Variants in KYAT1 observed in about 807,000 individuals in gnomAD.
KYAT1 encodes kynurenine--oxoglutarate transaminase 1.
A neutral mutation model predicts 52.4 loss-of-function variants in KYAT1; 47 were observed. The observed-to-expected ratio is 0.90, with a 90% CI of 0.71 to 1.14. The LOEUF is 1.14. Among genes scored for constraint, KYAT1 ranks in the 50% most tolerant of loss-of-function variants. KYAT1 has a pLI of 0.00. For synonymous variants in KYAT1, 212 were observed against 209.6 expected (o/e 1.01, Z -0.10); for missense variants, 480 against 557.9 (o/e 0.86, Z 1.41).
intron 1 of KYAT1, chr9:128,847,458 G>A: frequency 6.5e-7 from 1 of 1,535,826 alleles, no homozygotes. Flanking sequence ...CCAAGTGAGT[G>A]GGGCTCCAGC....
At chr9:128,878,090 T>C (rs1281274674) in intron 1 of KYAT1, among the ~76,000 whole-genome samples, 3 of 152,036 alleles carry the variant, frequency 2.0e-5, no homozygotes, top group Non-Finnish European at 4.4e-5. Flanking sequence ...ACAGAGAATA[T>C]ACTGTGGGTC....
intron 3 of KYAT1, among the ~76,000 whole-genome samples, chr9:128,840,837 C>T: frequency 6.6e-6 from 1 of 152,170 alleles, no homozygotes; most frequent in Non-Finnish European, 1.5e-5. Flanking sequence ...ATTATAGGCA[C>T]ACACTGTTTC....
intron 1 of KYAT1, among the ~76,000 whole-genome samples, chr9:128,853,481 T>A (rs1256973640): frequency 2.0e-5 from 3 of 152,208 alleles, no homozygotes; most frequent in Non-Finnish European, 4.4e-5. Flanking sequence ...TTAACATTGT[T>A]TCAGATTCTG....
At chr9:128,859,187 C>G (rs1835104466) in intron 1 of KYAT1, among the ~76,000 whole-genome samples, 2 of 151,746 alleles carry the variant, frequency 1.3e-5, no homozygotes, top group South Asian at 4.2e-4. Context: ...ACGGCGAAAC[C>G]CTGTCTCTAC....
intron 6 of KYAT1, 98 bp from the exon 7 acceptor site, chr9:128,837,020 G>A (rs2118968507): frequency 2.0e-6 from 3 of 1,481,388 alleles, no homozygotes; most frequent in Non-Finnish European, 1.8e-6. Context: ...GCGGCCAGGT[G>A]CGGTGGCTCA....
intron 1 of KYAT1, among the ~76,000 whole-genome samples, chr9:128,862,985 C>T (rs1038347666): frequency 1.2e-4 from 18 of 152,014 alleles, no homozygotes; most frequent in East Asian, 1.9e-4. Flanking sequence ...CTACCATGCC[C>T]GGCTAATTTT....
chr9:128,870,036 C>T (rs60239222), intron 1 of KYAT1, among the ~76,000 whole-genome samples: 8,396 of 152,032 alleles, frequency 0.055, 275 homozygotes, highest in African/African-American at 0.095. Context: ...TTACCCGGGC[C>T]CGGCAGATAA....
Position 128,848,820 on chromosome 9 carries a change from C to CAA in KYAT1, c.-6-3411_-6-3410dup, listed in dbSNP as rs746737161. ...TGGGTGACAGAGTGAGACTCTGTCT[C>CAA]AAAAAAAAAAAAAAAAAAAAAATTG... On this transcript the variant is annotated intron_variant, in intron 1 of 12. Transcript: ENST00000302586. Among the ~76,000 whole-genome samples the CAA allele has an allele frequency of 7.0e-3, 399 of 56,842 alleles. 5 individuals carry two copies. The highest frequency in any genetic ancestry group is 0.045 in the East Asian group (86 of 1,920). The allele number at this position is 56,842 out of a possible 152,430, so 37.3% of individuals were successfully genotyped here.
At position 128,835,625 on chromosome 9, in the gene KYAT1, G is replaced by A. The variant is rs375618315; in HGVS notation, c.898C>T (p.Arg300Cys). ...ESFEREQLLF[R>C]QPSSYFVQFP... ...TGCACAAAGTAGCTGCTGGGTTGGC[G>A]GAAGAGCAGCTGCTCCCGTTCAAAG... is the stretch of plus-strand genomic sequence containing the variant. The change falls in exon 10 of 13, where the codon CGC (arginine) becomes TGC (cysteine). Residue 300 changes from arginine to cysteine, a missense_variant. Physicochemically the swap from Arg to Cys is radical, Grantham distance 180. Transcript: ENST00000302586. The A allele has an allele frequency of 1.2e-4, 201 of 1,611,904 alleles. No homozygotes were observed. In the African/African-American group the frequency reaches 2.2e-3, roughly 18 times the overall value.
chr9:128,861,903 G>T (rs1185368956), intron 1 of KYAT1, among the ~76,000 whole-genome samples: 2 of 152,104 alleles, frequency 1.3e-5, no homozygotes, highest in African/African-American at 2.4e-5. Flanking sequence ...TGGGCCAAAG[G>T]GTCTCTTTAG....
At chr9:128,840,533 G>A in intron 3 of KYAT1, 2 of 392,002 alleles carry the variant, frequency 5.1e-6, no homozygotes, top group African/African-American at 2.1e-5. Flanking sequence ...TTATAGGCGT[G>A]AGCCACCATA....
At chr9:128,865,352 T>TACATACATATATATATATATACATAC (rs1836194144) in intron 1 of KYAT1, among the ~76,000 whole-genome samples, 1 of 4,066 alleles carries the variant, frequency 2.5e-4, no homozygotes, top group African/African-American at 5.3e-4. Context: ...TATATATATA[T>TACATACATATATATATATATACATAC]ATATATATTT....
Position 128,836,805 on chromosome 9 carries a change from T to C in KYAT1, c.685A>G (p.Ile229Val). 1 of 1,613,366 alleles carries C rather than the reference T, an allele frequency of 6.2e-7. No homozygotes were observed. The highest frequency in any genetic ancestry group is 8.5e-7 in the Non-Finnish European group (1 of 1,179,764). The change falls in exon 7 of 13, where the codon ATT becomes GTT. Residue 229 changes from isoleucine (I) to valine (V), a missense_variant. Coordinates refer to ENST00000302586, the MANE Select transcript of KYAT1 (RefSeq NM_004059.5). ...MVYDGHQHIS[I>V]ASLPGMWERT... ...GCCCCAGGCTGGCTTGGCTCACCAA[T>C]GCTGATGTGCTGGTGCCCGTCGTAG...
rs1006618861 is a variant in KYAT1 at position 128,862,789 on chromosome 9, C to T, written c.-6-17378G>A. ...GCAGTGCATCGGGCCTATGTGTGGC[C>T]GGGTAAGACTGGGCATAGGAGTCAA... On this transcript the variant is annotated intron_variant, in intron 1 of 12. Coordinates refer to ENST00000302586, the MANE Select transcript of KYAT1 (RefSeq NM_004059.5). 1.1e-4 allele frequency among the ~76,000 whole-genome samples: 17 copies of T among 152,194 alleles called. No homozygotes were observed. In the East Asian group the frequency reaches 1.2e-3, roughly 10 times the overall value.
rs1375034522 is a variant in KYAT1 at position 128,833,193 on chromosome 9, A to G, written c.*391T>C. 13 of 262,538 alleles carry G rather than the reference A, an allele frequency of 5.0e-5. No homozygotes were observed. The highest frequency in any genetic ancestry group is 8.7e-5 in the Non-Finnish European group (12 of 137,602). The allele number at this position is 262,538 out of a possible 1,614,324, so 16.3% of individuals were successfully genotyped here. ...ACTCAAGCCTAAAGGCAACTCCCCA[A>G]GGCCAAGATGAGCCAGGGAAGGTGA... On this transcript the variant is annotated 3_prime_UTR_variant, in exon 13 of 13. Coordinates refer to ENST00000302586, the MANE Select transcript of KYAT1 (RefSeq NM_004059.5).
At chr9:128,865,966 G>A (rs960414989) in intron 1 of KYAT1, among the ~76,000 whole-genome samples, 4 of 152,154 alleles carry the variant, frequency 2.6e-5, no homozygotes, top group Non-Finnish European at 5.9e-5. Context: ...TCTATCGCTT[G>A]CACCAGACTG....
rs146712712 is a variant in KYAT1 at position 128,880,406 on chromosome 9, C to T, written c.-7+1491G>A. 3.9e-5 allele frequency among the ~76,000 whole-genome samples: 6 copies of T among 152,012 alleles called. No homozygotes were observed. In the East Asian group the frequency reaches 9.6e-4, roughly 24 times the overall value. Reference sequence around the variant, plus strand: ...GATCATGGGCATTAGTGTAAATCTCCCAGGGTTCAAATTCCAGCTTCTCCA... The same window carrying T: ...GATCATGGGCATTAGTGTAAATCTCTCAGGGTTCAAATTCCAGCTTCTCCA... On this transcript the variant is annotated intron_variant, in intron 1 of 12. Coordinates refer to ENST00000302586, the MANE Select transcript of KYAT1 (RefSeq NM_004059.5).
chr9:128,882,192 G>A (rs1200185131), upstream of KYAT1: 1 of 153,048 alleles, frequency 6.5e-6, no homozygotes, highest in East Asian at 1.9e-4. Flanking sequence ...GGCCGGCGGC[G>A]GGACGGAGCG....
At chr9:128,836,262 T>C (rs1248422543) in intron 7 of KYAT1, among the ~76,000 whole-genome samples, 189 bp from the exon 8 acceptor site, 1 of 150,592 alleles carries the variant, frequency 6.6e-6, no homozygotes, top group Non-Finnish European at 1.5e-5. Context: ...TCTCTCTCTC[T>C]CTCTCTCCCT....
Sources: allele counts gnomAD v4.1 joint callset (sites outside exome capture counted in the v4.1 genomes callset), GRCh38; gene constraint gnomAD v4.1.1; transcripts MANE v1.5; gene names NCBI Gene and HGNC (gene_info 2026-07-23, HGNC 2026-07-21).